CDH13: variants seen among roughly 807,000 people sequenced by gnomAD.
CDH13 encodes cadherin 13, also known as cadherin-13.
CDH13 carries 24 observed loss-of-function variants against 63.8 expected under a neutral mutation model. The observed-to-expected ratio is 0.38, with a 90% CI of 0.27 to 0.53. The LOEUF is 0.53. CDH13 is among the 20% of genes least tolerant of loss of function. The pLI, the probability that CDH13 is intolerant of heterozygous loss-of-function variation, is 0.85. For missense variants in CDH13, 1,049 were observed against 903.1 expected (o/e 1.16, Z -2.07); for synonymous variants, 503 against 355.3 (o/e 1.42, Z -4.67).
chr16:82,970,536 A>G (rs1395859082), intron 2 of CDH13, among the ~76,000 whole-genome samples: 2 of 143,398 alleles, frequency 1.4e-5, no homozygotes, highest in Admixed American at 1.4e-4. Context: ...AGTAGCTGGG[A>G]CTACAGGCGC....
chr16:83,714,094 G>A (rs1302062817), intron 10 of CDH13, among the ~76,000 whole-genome samples: 5 of 152,138 alleles, frequency 3.3e-5, no homozygotes, highest in Admixed American at 2.6e-4. Flanking sequence ...AGTGGAGGGG[G>A]GGCTGCCCTA....
At chr16:83,703,742 A>AGAAAG (rs1906593835) in intron 10 of CDH13, among the ~76,000 whole-genome samples, 1 of 152,218 alleles carries the variant, frequency 6.6e-6, no homozygotes, top group Non-Finnish European at 1.5e-5. Context: ...AAGGAGACTA[A>AGAAAG]GAAAACCATC....
intron 8 of CDH13, among the ~76,000 whole-genome samples, chr16:83,631,498 G>C (rs1468116627): frequency 6.6e-6 from 1 of 152,048 alleles, no homozygotes; most frequent in Non-Finnish European, 1.5e-5. Flanking sequence ...AGGGGAAGGT[G>C]GGTTCTCCTG....
chr16:83,058,958 A>G (rs1047917873), intron 3 of CDH13, among the ~76,000 whole-genome samples: 12 of 152,190 alleles, frequency 7.9e-5, no homozygotes, highest in Middle Eastern at 6.8e-3. Flanking sequence ...AATCTAATCC[A>G]TTCTCATTCA....
At chr16:83,348,999 G>A (rs1010104824) in intron 6 of CDH13, among the ~76,000 whole-genome samples, 2 of 152,152 alleles carry the variant, frequency 1.3e-5, no homozygotes, top group Non-Finnish European at 2.9e-5. Context: ...CCATGTGTTC[G>A]AATGCCCTCG....
chr16:83,745,245 C>A (rs1269407748), intron 10 of CDH13, among the ~76,000 whole-genome samples: 1 of 152,180 alleles, frequency 6.6e-6, no homozygotes, highest in African/African-American at 2.4e-5. Flanking sequence ...TTCCAGGAAG[C>A]ATCAGCAGGA....
At chr16:82,842,270 A>G in intron 1 of CDH13, among the ~76,000 whole-genome samples, 1 of 151,070 alleles carries the variant, frequency 6.6e-6, no homozygotes. Context: ...GAATTTTTTA[A>G]TCATCAGGGT....
At chr16:82,693,051 T>C (rs1915791045) in intron 1 of CDH13, among the ~76,000 whole-genome samples, 1 of 152,176 alleles carries the variant, frequency 6.6e-6, no homozygotes, top group Admixed American at 6.5e-5. Flanking sequence ...AGGAGGGCCA[T>C]GTAGCAAGGA....
chr16:82,699,792 G>A (rs1360856084), intron 1 of CDH13, among the ~76,000 whole-genome samples: 2 of 152,196 alleles, frequency 1.3e-5, no homozygotes, highest in African/African-American at 4.8e-5. Context: ...TTTTGTCTAT[G>A]CCAAATGTCA....
intron 2 of CDH13, among the ~76,000 whole-genome samples, chr16:83,008,028 C>T (rs11647879): frequency 0.11 from 16,674 of 152,030 alleles, 1,044 homozygotes; most frequent in Non-Finnish European, 0.14. Context: ...ATCATAGTTG[C>T]TAAGAGAAGA....
chr16:82,991,713 A>T (rs935692077), intron 2 of CDH13, among the ~76,000 whole-genome samples: 52 of 152,230 alleles, frequency 3.4e-4, no homozygotes, highest in Admixed American at 3.3e-3. Context: ...GGCACAGTGA[A>T]ACTCAAAGGA....
chr16:83,110,678 A>G (rs2035014691), intron 3 of CDH13, among the ~76,000 whole-genome samples: 1 of 152,162 alleles, frequency 6.6e-6, no homozygotes, highest in Non-Finnish European at 1.5e-5. Flanking sequence ...TAATACAGAT[A>G]GATAACCGAA....
rs368690771 is a variant in CDH13, at chr16:83,270,956, T to C, written c.636+53459T>C. 5.5e-4 allele frequency among the ~76,000 whole-genome samples: 76 copies of C among 139,326 alleles called. 1 individual carries two copies. Among genetic ancestry groups the C allele is most frequent in the African/African-American group, 1.9e-3 (73 of 38,166 alleles). The allele number at this position is 139,326 out of a possible 152,430, so 91.4% of individuals were successfully genotyped here. On this transcript the variant is annotated intron_variant, in intron 5 of 13. Coordinates refer to ENST00000567109, the MANE Select transcript of CDH13 (RefSeq NM_001257.5). Reference sequence around the variant, plus strand: ...TCTCTTTCCCTTCCTCCCTCCCTCCTTTCTTCCTCCCTCTCTCCTTCCCTT... The same window carrying C: ...TCTCTTTCCCTTCCTCCCTCCCTCCCTTCTTCCTCCCTCTCTCCTTCCCTT...
intron 1 of CDH13, among the ~76,000 whole-genome samples, chr16:82,685,239 G>T (rs542928622): frequency 2.6e-5 from 4 of 152,340 alleles, no homozygotes; most frequent in Admixed American, 2.0e-4. Context: ...AGTTCTGGAG[G>T]CTGGGATGTT....
chr16:83,057,365 C>T (rs2031056537), intron 3 of CDH13, among the ~76,000 whole-genome samples: 1 of 152,114 alleles, frequency 6.6e-6, no homozygotes, highest in Admixed American at 6.5e-5. Context: ...TTTCTGAGAT[C>T]ATGACAGAGT....
At chr16:83,477,232 A>G (rs1022744686) in intron 6 of CDH13, among the ~76,000 whole-genome samples, 1 of 152,344 alleles carries the variant, frequency 6.6e-6, no homozygotes, top group East Asian at 1.9e-4. Flanking sequence ...TTGAAAACAG[A>G]TGGAGACAGT....
At chr16:82,797,803 G>GTGTGTGTGTA (rs1371086046) in intron 1 of CDH13, among the ~76,000 whole-genome samples, 1 of 151,638 alleles carries the variant, frequency 6.6e-6, no homozygotes, top group East Asian at 1.9e-4. Flanking sequence ...GTGTGTGTGT[G>GTGTGTGTGTA]TGTGTATACA....
At chr16:83,267,340 C>A (rs377080800) in intron 5 of CDH13, among the ~76,000 whole-genome samples, 1 of 152,166 alleles carries the variant, frequency 6.6e-6, no homozygotes, top group Admixed American at 6.5e-5. Context: ...GCTGGATTAT[C>A]CTCAGGCTAA....
Position 83,344,943 on chromosome 16 carries a change from G to T in CDH13, c.718G>T (p.Asp240Tyr). 1 of 1,613,994 alleles carries T rather than the reference G, an allele frequency of 6.2e-7. No individual in the cohort carries two copies. Among genetic ancestry groups the T allele is most frequent in the Non-Finnish European group, 8.5e-7 (1 of 1,179,858 alleles). Residue 240 changes from aspartate to tyrosine, a missense_variant, in exon 6 of 14, where the codon GAC (aspartate) becomes TAC (tyrosine). Asp to Tyr is a radical substitution (Grantham distance 160). Transcript: ENST00000567109. ...PLEVIVIDQN[D>Y]NRPIFREGPY... ...GGAAGTCATTGTGATTGATCAGAAT[G>T]ACAACCGACCGATCTTTCGGGAAGG...
Sources: gnomAD v4.1 joint callset for allele counts (sites outside exome capture counted in the v4.1 genomes callset) on GRCh38, gnomAD v4.1.1 for gene constraint, MANE v1.5 for transcripts, NCBI Gene and HGNC (gene_info 2026-07-23, HGNC 2026-07-21) for gene names.